Variants in RNLS observed in about 807,000 individuals in gnomAD.
The protein encoded by RNLS is renalase, FAD dependent amine oxidase.
RNLS carries 39 observed loss-of-function variants against 39.8 expected under a neutral mutation model. The observed-to-expected ratio is 0.98, with a 90% CI of 0.76 to 1.28. The LOEUF (loss-of-function observed/expected upper bound fraction) is 1.28. Ranked by LOEUF, RNLS falls within the 50% of genes most tolerant of loss-of-function variation. The pLI is 0.00. For synonymous variants in RNLS, 147 were observed against 150.7 expected (o/e 0.98, Z 0.18); for missense variants, 410 against 413.3 (o/e 0.99, Z 0.07).
rs1303755096 is a variant in RNLS at position 88,284,857 on chromosome 10, A to G, written c.*497T>C. The G allele has an allele frequency of 7.1e-6, 7 of 985,412 alleles. No individual in the cohort carries two copies. The highest frequency in any genetic ancestry group is 8.4e-6 in the Non-Finnish European group (7 of 830,018). The allele number at this position is 985,412 out of a possible 1,614,324, so 61.0% of individuals were successfully genotyped here. On this transcript the variant is annotated 3_prime_UTR_variant, in exon 7 of 7. Coordinates refer to ENST00000331772, the MANE Select transcript of RNLS (RefSeq NM_001031709.3). ...AGGATCACTTAATAACTTGGGGGAT[A>G]AATGAGAAATAAGAATTACACTCTG...
At chr10:88,262,834 C>A in the RNLS span, among the ~76,000 whole-genome samples, 1 of 152,066 alleles carries the variant, frequency 6.6e-6, no homozygotes, top group Non-Finnish European at 1.5e-5. Context: ...ATGTGACTCG[C>A]GGGACATCTA....
intron 4 of RNLS, among the ~76,000 whole-genome samples, chr10:88,502,331 C>T (rs917790382): frequency 0.011 from 18 of 1,622 alleles, no homozygotes; most frequent in African/African-American, 0.038. Flanking sequence ...GGGAGGTGGG[C>T]GGGGGGGCGG....
chr10:88,283,347 T>C (rs550849900), downstream of RNLS, among the ~76,000 whole-genome samples: 2 of 152,238 alleles, frequency 1.3e-5, no homozygotes, highest in African/African-American at 4.8e-5. Flanking sequence ...AGAATAGATA[T>C]TAAAAGTCAT....
rs528394080 is a variant in RNLS, at chr10:88,376,476, G to GCTAA, written c.527-13755_527-13752dup. Among the ~76,000 whole-genome samples the GCTAA allele has an allele frequency of 1.5e-3, 235 of 152,212 alleles. 1 individual carries two copies. Among genetic ancestry groups the GCTAA allele is most frequent in the African/African-American group, 5.3e-3 (221 of 41,544 alleles). On this transcript the variant is annotated intron_variant, in intron 4 of 6. Coordinates refer to ENST00000331772, the MANE Select transcript of RNLS (RefSeq NM_001031709.3). ...TTTGAGAAATTTAACTTTTTAATTT[G>GCTAA]CTAACTTGGTGTTTGTATTGCATTA...
At chr10:88,513,335 C>T (rs1381132088) in intron 4 of RNLS, among the ~76,000 whole-genome samples, 1 of 152,100 alleles carries the variant, frequency 6.6e-6, no homozygotes, top group Non-Finnish European at 1.5e-5. Context: ...TATGGATGCA[C>T]TATCACTAAG....
the RNLS span, among the ~76,000 whole-genome samples, chr10:88,180,766 A>G: frequency 2.6e-5 from 4 of 152,218 alleles, no homozygotes; most frequent in Non-Finnish European, 5.9e-5. Flanking sequence ...AGAGATATAC[A>G]GACCTGTCAT....
intron 4 of RNLS, among the ~76,000 whole-genome samples, chr10:88,461,529 T>G (rs1417146243): frequency 6.6e-6 from 1 of 152,044 alleles, no homozygotes; most frequent in Admixed American, 6.6e-5. Context: ...TATAGGAGAG[T>G]TCTACCCTTT....
intron 4 of RNLS, among the ~76,000 whole-genome samples, chr10:88,365,022 T>C (rs1290037094): frequency 6.6e-6 from 1 of 152,098 alleles, no homozygotes; most frequent in East Asian, 1.9e-4. Flanking sequence ...ATTGGTCCTC[T>C]CCCCACCCCC....
intron 4 of RNLS, among the ~76,000 whole-genome samples, chr10:88,565,054 T>C (rs375861911): frequency 3.9e-5 from 6 of 152,248 alleles, no homozygotes; most frequent in South Asian, 2.1e-4. Flanking sequence ...TGGCTGTTCA[T>C]AGTCTGTACA....
At chr10:88,539,496 T>TA (rs1847937555) in intron 4 of RNLS, among the ~76,000 whole-genome samples, 1 of 152,160 alleles carries the variant, frequency 6.6e-6, no homozygotes, top group African/African-American at 2.4e-5. Flanking sequence ...ACCAAGCTGC[T>TA]ACAGAGGCTC....
At chr10:88,431,872 T>C (rs2133811317) in intron 4 of RNLS, among the ~76,000 whole-genome samples, 1 of 151,880 alleles carries the variant, frequency 6.6e-6, no homozygotes, top group East Asian at 1.9e-4. Context: ...GACAATGTCT[T>C]TATGGCCCAG....
chr10:88,485,870 G>T (rs1294249801), intron 4 of RNLS, among the ~76,000 whole-genome samples: 1 of 151,534 alleles, frequency 6.6e-6, no homozygotes, highest in Non-Finnish European at 1.5e-5. Flanking sequence ...TCTTTCAAAA[G>T]AAAAAAGTAC....
At chr10:88,173,993 A>T in the RNLS span, among the ~76,000 whole-genome samples, 2 of 144,390 alleles carry the variant, frequency 1.4e-5, no homozygotes, top group Non-Finnish European at 1.5e-5. Context: ...ATTCCTTGGT[A>T]TTTTTTTTTT....
intron 5 of RNLS, among the ~76,000 whole-genome samples, chr10:88,327,240 G>A (rs886186463): frequency 6.6e-6 from 1 of 152,134 alleles, no homozygotes; most frequent in East Asian, 1.9e-4. Flanking sequence ...AGATTTGGGA[G>A]GGGCCAGGGA....
At chr10:88,459,888 C>G (rs1390797116) in intron 4 of RNLS, among the ~76,000 whole-genome samples, 1 of 152,158 alleles carries the variant, frequency 6.6e-6, no homozygotes, top group Non-Finnish European at 1.5e-5. Flanking sequence ...ATTGAATTCC[C>G]TACAATTCAC....
At chr10:88,564,569 G>C (rs1200460630) in intron 4 of RNLS, among the ~76,000 whole-genome samples, 1 of 152,110 alleles carries the variant, frequency 6.6e-6, no homozygotes, top group Non-Finnish European at 1.5e-5. Flanking sequence ...AAGTACACAT[G>C]GAAGAGCTAT....
the RNLS span, among the ~76,000 whole-genome samples, chr10:88,219,109 T>C: frequency 6.6e-6 from 1 of 152,238 alleles, no homozygotes; most frequent in Non-Finnish European, 1.5e-5. Flanking sequence ...AGACCATGAA[T>C]TTCTTCCTCT....
the RNLS span, among the ~76,000 whole-genome samples, chr10:88,222,453 T>C: frequency 1.9e-3 from 295 of 152,286 alleles, 2 homozygotes; most frequent in Non-Finnish European, 3.5e-3. Context: ...ATAGGCTGTT[T>C]ACCCCCTGAC....
intron 6 of RNLS, among the ~76,000 whole-genome samples, chr10:88,307,127 C>G (rs989586094): frequency 6.6e-6 from 1 of 152,148 alleles, no homozygotes; most frequent in Non-Finnish European, 1.5e-5. Context: ...AATACCCTTT[C>G]ATGTGAAAAA....
Sources: gnomAD v4.1 joint callset for allele counts (sites outside exome capture counted in the v4.1 genomes callset) on GRCh38, gnomAD v4.1.1 for gene constraint, MANE v1.5 for transcripts, NCBI Gene and HGNC (gene_info 2026-07-23, HGNC 2026-07-21) for gene names.